The following GABRG3 variants were observed in gnomAD, a reference collection of about 807,000 sequenced individuals.
The protein encoded by GABRG3 is gamma-aminobutyric acid receptor subunit gamma-3.
In GABRG3, 25 loss-of-function variants were observed where a neutral mutation model predicts 48.8. That is an observed-to-expected ratio of 0.51 (90% CI 0.37 to 0.72). The LOEUF is 0.72. Ranked by LOEUF, GABRG3 falls within the 30% of genes least tolerant of loss-of-function variation. GABRG3 has a pLI of 0.00. For synonymous variants in GABRG3, 227 were observed against 217.6 expected, an observed-to-expected ratio of 1.04 and a Z score of -0.38; for missense variants, 394 against 577.9, an observed-to-expected ratio of 0.68 and a Z score of 3.26.
intron 3 of GABRG3, among the ~76,000 whole-genome samples, chr15:27,256,382 A>G (rs1199735874): frequency 1.3e-5 from 2 of 150,046 alleles, no homozygotes; most frequent in Non-Finnish European, 3.0e-5. Flanking sequence ...CAGTGCTTGC[A>G]GTGAGCCGAG....
chr15:27,143,299 A>G (rs1376590253), intron 3 of GABRG3, among the ~76,000 whole-genome samples: 1 of 152,108 alleles, frequency 6.6e-6, no homozygotes, highest in Non-Finnish European at 1.5e-5. Flanking sequence ...AGGCTGGTCT[A>G]GAACTCTTGG....
intron 3 of GABRG3, among the ~76,000 whole-genome samples, chr15:27,168,102 A>G (rs1887439945): frequency 6.6e-6 from 1 of 151,630 alleles, no homozygotes; most frequent in African/African-American, 2.4e-5. Flanking sequence ...AGCTGTTGTG[A>G]GTGATCTCTG....
intron 3 of GABRG3, among the ~76,000 whole-genome samples, chr15:27,165,715 A>T (rs1887348633): frequency 6.6e-6 from 1 of 152,082 alleles, no homozygotes; most frequent in Non-Finnish European, 1.5e-5. Context: ...TGTGAAAACC[A>T]ATATAAACTG....
intron 5 of GABRG3, among the ~76,000 whole-genome samples, chr15:27,377,349 G>A (rs918255243): frequency 3.9e-5 from 6 of 152,016 alleles, no homozygotes; most frequent in Non-Finnish European, 7.4e-5. Flanking sequence ...CCACGTTTTC[G>A]GGTATCTTTT....
intron 3 of GABRG3, among the ~76,000 whole-genome samples, chr15:27,049,012 T>G (rs1397312622): frequency 6.6e-6 from 1 of 152,240 alleles, no homozygotes; most frequent in Non-Finnish European, 1.5e-5. Flanking sequence ...GCACAGCCTG[T>G]TAGAGGAAGT....
At chr15:26,996,556 TC>T (rs1200192284) in intron 2 of GABRG3, among the ~76,000 whole-genome samples, 1 of 152,108 alleles carries the variant, frequency 6.6e-6, no homozygotes, top group African/African-American at 2.4e-5. Context: ...TTTGTGTTTT[TC>T]TTCCCTTGGA....
intron 5 of GABRG3, among the ~76,000 whole-genome samples, chr15:27,474,032 G>A (rs1386632381): frequency 6.6e-6 from 1 of 152,174 alleles, no homozygotes; most frequent in Non-Finnish European, 1.5e-5. Context: ...AAGAGCCAGG[G>A]AGCAGGCCTG....
rs577793196 is a variant in GABRG3, at chr15:27,009,132, C to T, written c.203-17622C>T. 3.3e-5 allele frequency among the ~76,000 whole-genome samples: 5 copies of T among 152,316 alleles called. No individual in the cohort carries two copies. The South Asian group carries it at 1.0e-3, about 32-fold the overall frequency. On this transcript the variant is annotated intron_variant, in intron 2 of 9. Coordinates refer to ENST00000615808, the MANE Select transcript of GABRG3 (RefSeq NM_033223.5). ...CAGCTCACTCTTCAGCTGCCCTGAG[C>T]ATCGACACATACTCCACAGGTGCAC...
chr15:27,470,422 G>A (rs891592627), intron 5 of GABRG3, among the ~76,000 whole-genome samples: 2 of 151,548 alleles, frequency 1.3e-5, no homozygotes, highest in Non-Finnish European at 2.9e-5. Context: ...TAGTAGAGAT[G>A]GGGTTTCACC....
intron 3 of GABRG3, among the ~76,000 whole-genome samples, chr15:27,251,069 T>G (rs981045863): frequency 1.1e-4 from 16 of 152,196 alleles, no homozygotes; most frequent in African/African-American, 3.9e-4. Flanking sequence ...GTGAATCGAC[T>G]GCCACGCCTG....
At chr15:27,417,836 C>T (rs930566874) in intron 5 of GABRG3, among the ~76,000 whole-genome samples, 1 of 152,236 alleles carries the variant, frequency 6.6e-6, no homozygotes, top group Non-Finnish European at 1.5e-5. Flanking sequence ...GCTTGGTGCA[C>T]ACTTCACAAG....
chr15:27,390,305 C>T (rs548060439), intron 5 of GABRG3, among the ~76,000 whole-genome samples: 2 of 152,134 alleles, frequency 1.3e-5, no homozygotes, highest in African/African-American at 2.4e-5. Context: ...ACCAGAAATA[C>T]GTGGTAAACT....
intron 3 of GABRG3, among the ~76,000 whole-genome samples, chr15:27,062,762 C>G (rs2140724906): frequency 6.6e-6 from 1 of 152,196 alleles, no homozygotes; most frequent in South Asian, 2.1e-4. Context: ...GCCACAAGGG[C>G]CAGGTGTAGA....
In GABRG3 at chr15:27,236,990, C is replaced by T. The variant is rs545813112; in HGVS notation, c.271-89819C>T. On this transcript the variant is annotated intron_variant, in intron 3 of 9. Transcript: ENST00000615808. This position sits in a 1 kb window ranked among gnomAD's most constrained non-coding sequence, Gnocchi z 4.4. ...CTTCCCAGCCTGCAGGACGGCCACC[C>T]GTATGAAATAAAGCTCTCCTTTCCA... is the stretch of plus-strand genomic sequence containing the variant. 5.3e-4 allele frequency among the ~76,000 whole-genome samples: 81 copies of T among 152,332 alleles called. 1 individual carries two copies. In the South Asian group the frequency reaches 6.0e-3, roughly 11 times the overall value.
chr15:27,357,852 T>G lies in GABRG3; in HGVS notation c.574+28964T>G, dbSNP rs1894892857. Among the ~76,000 whole-genome samples the G allele has an allele frequency of 2.0e-5, 3 of 152,226 alleles. No individual in the cohort carries two copies. In the South Asian group the frequency reaches 6.2e-4, roughly 31 times the overall value. On this transcript the variant is annotated intron_variant, in intron 5 of 9. Transcript: ENST00000615808. Reference sequence around the variant, plus strand: ...GCAGTTTCTTGGAGTTTAATTCTAATGTGGAACCTGAAACTCTATACTATT... The same window carrying G: ...GCAGTTTCTTGGAGTTTAATTCTAAGGTGGAACCTGAAACTCTATACTATT...
chr15:27,001,904 A>C (rs867092715), intron 2 of GABRG3, among the ~76,000 whole-genome samples: 2 of 37,692 alleles, frequency 5.3e-5, no homozygotes, highest in African/African-American at 1.1e-4. Context: ...TTTTTTTTTT[A>C]AGATATGGTC....
intron 3 of GABRG3, among the ~76,000 whole-genome samples, chr15:27,107,997 T>C (rs1473807755): frequency 6.6e-6 from 1 of 151,958 alleles, no homozygotes; most frequent in African/African-American, 2.4e-5. Context: ...ATTAATTTTA[T>C]TGATCTTTTC....
intron 7 of GABRG3, among the ~76,000 whole-genome samples, chr15:27,526,968 G>C (rs1464255143): frequency 6.6e-6 from 1 of 152,214 alleles, no homozygotes; most frequent in East Asian, 1.9e-4. Flanking sequence ...GGATACTGCA[G>C]ATGTGCATGT....
chr15:26,983,195 C>T (rs1895085247), intron 2 of GABRG3, among the ~76,000 whole-genome samples: 1 of 151,412 alleles, frequency 6.6e-6, no homozygotes, highest in Non-Finnish European at 1.5e-5. Context: ...TTGCTATAAC[C>T]ATCAGGCCTT....
Sources: allele counts gnomAD v4.1 joint callset (sites outside exome capture counted in the v4.1 genomes callset), GRCh38; gene constraint gnomAD v4.1.1; non-coding constraint Gnocchi (gnomAD v3.1); transcripts MANE v1.5; gene names NCBI Gene and HGNC (gene_info 2026-07-23, HGNC 2026-07-21).